The following SLC9C2 variants were observed in gnomAD, a reference collection of about 807,000 sequenced individuals.
SLC9C2 encodes solute carrier family 9 member C2 (putative).
SLC9C2 carries 75 observed loss-of-function variants against 140.2 expected under a neutral mutation model. The observed-to-expected ratio is 0.53, with a 90% confidence interval of 0.44 to 0.65. SLC9C2 has a LOEUF of 0.65. Among genes scored for constraint, SLC9C2 ranks in the 30% least tolerant of loss-of-function variants. SLC9C2 has a pLI of 0.00. For missense variants in SLC9C2, 1,074 were observed against 1,331.8 expected, an observed-to-expected ratio of 0.81 and a Z score of 3.01; for synonymous variants, 375 against 420.9, an observed-to-expected ratio of 0.89 and a Z score of 1.34.
At chr1:173,573,085 T>G (rs1664942968) in intron 9 of SLC9C2, 97 bp downstream of exon 9, 8 of 831,250 alleles carry the variant, frequency 9.6e-6, no homozygotes, top group Non-Finnish European at 1.2e-5. Flanking sequence ...TGGCTCCATG[T>G]CCAGAGCCCT....
At chr1:173,593,765 C>A (rs1571635361) in intron 4 of SLC9C2, among the ~76,000 whole-genome samples, 1 of 151,922 alleles carries the variant, frequency 6.6e-6, no homozygotes, top group Non-Finnish European at 1.5e-5. Flanking sequence ...CAACAAAGAT[C>A]AAAAAAGACA....
intron 7 of SLC9C2, among the ~76,000 whole-genome samples, chr1:173,577,008 T>C (rs1193753859): frequency 6.6e-6 from 1 of 152,246 alleles, no homozygotes; most frequent in Non-Finnish European, 1.5e-5. Context: ...AACTCAGCTG[T>C]TGTAGTATAA....
At chr1:173,518,241 G>A (rs867484658) in intron 22 of SLC9C2, among the ~76,000 whole-genome samples, 13 of 145,966 alleles carry the variant, frequency 8.9e-5, no homozygotes, top group African/African-American at 2.8e-4. Context: ...CCAGCTGGGC[G>A]ACAAAGTGAG....
At chr1:173,537,561 C>T (rs1181170451) in intron 13 of SLC9C2, among the ~76,000 whole-genome samples, 1 of 151,402 alleles carries the variant, frequency 6.6e-6, no homozygotes, top group Non-Finnish European at 1.5e-5. Context: ...GACTCCGTCT[C>T]AAAAATTTAT....
chr1:173,546,655 T>C (rs572763167), intron 13 of SLC9C2, among the ~76,000 whole-genome samples: 1 of 152,248 alleles, frequency 6.6e-6, no homozygotes, highest in East Asian at 1.9e-4. Context: ...AGAAGAAATT[T>C]ATATGTTAAC....
intron 12 of SLC9C2, 37 bp downstream of exon 12, chr1:173,548,352 G>A (rs1663002429): frequency 6.3e-7 from 1 of 1,585,218 alleles, no homozygotes; most frequent in Admixed American, 1.7e-5. Flanking sequence ...ACCAAGGGAA[G>A]GAAAGGAAAA....
At chr1:173,538,240 T>C (rs908383392) in intron 13 of SLC9C2, among the ~76,000 whole-genome samples, 18 of 152,206 alleles carry the variant, frequency 1.2e-4, no homozygotes, top group Admixed American at 2.0e-4. Flanking sequence ...CCCTACGTTG[T>C]AAGCCTCCGT....
chr1:173,526,786 G>T, intron 18 of SLC9C2, 72 bp from the exon 19 acceptor site: 2 of 1,071,856 alleles, frequency 1.9e-6, no homozygotes, highest in Admixed American at 2.5e-5. Flanking sequence ...AGAAAAACAT[G>T]CATTTCTTCT....
intron 8 of SLC9C2, among the ~76,000 whole-genome samples, chr1:173,574,745 C>T (rs549344222): frequency 2.0e-5 from 3 of 152,052 alleles, no homozygotes; most frequent in African/African-American, 4.8e-5. Flanking sequence ...CTCCTGACCT[C>T]GTGATTCGCC....
intron 9 of SLC9C2, among the ~76,000 whole-genome samples, chr1:173,559,370 T>C (rs1404407711): frequency 6.6e-6 from 1 of 152,210 alleles, no homozygotes; most frequent in East Asian, 1.9e-4. Context: ...AGAGAACATC[T>C]ATTGATTTAG....
rs762295921 is a variant in SLC9C2, at chr1:173,548,533, G to A, written c.1317C>T (p.Leu439=). The A allele has an allele frequency of 1.9e-6, 3 of 1,613,638 alleles. No individual in the cohort carries two copies. Among genetic ancestry groups the A allele is most frequent in the South Asian group, 1.1e-5 (1 of 91,062 alleles). Residue 439 remains leucine, a synonymous_variant, in exon 12 of 28, where the codon CTC becomes CTT. Transcript: ENST00000367714. ...CATTTTGCAAGATCATTTGTCTTGG[G>A]AGGGAAAGAACACACAAATCTGTGA... ...ARKLDLCVLS[L]PRQMILQNAT...
chr1:173,600,136 A>T lies in SLC9C2; in HGVS notation c.209T>A (p.Met70Lys), dbSNP rs1199198710. The T allele has an allele frequency of 6.2e-7, 1 of 1,606,776 alleles. No homozygotes were observed. Among genetic ancestry groups the T allele is most frequent in the Non-Finnish European group, 8.5e-7 (1 of 1,175,870 alleles). The change falls in exon 3 of 28, where the codon ATG (methionine) becomes AAG (lysine). Residue 70 changes from methionine (M) to lysine (K), a missense_variant. Met to Lys is a moderately conservative substitution (Grantham distance 95, BLOSUM62 -1). Transcript: ENST00000367714. ...CAGTACCTCAACAGAATTGTAGGCC[A>T]TGTGTCCTATCACGAATCCTGATAG... ...LSLSGFVIGH[M>K]AYNSVEVHQI...
At chr1:173,599,686 C>T (rs1558104252) in intron 3 of SLC9C2, among the ~76,000 whole-genome samples, 3 of 152,042 alleles carry the variant, frequency 2.0e-5, no homozygotes, top group Admixed American at 6.6e-5. Flanking sequence ...TCACTGCAAC[C>T]TCCATCTCCT....
intron 9 of SLC9C2, among the ~76,000 whole-genome samples, chr1:173,558,141 G>A (rs550438894): frequency 1.2e-3 from 187 of 152,196 alleles, no homozygotes; most frequent in African/African-American, 4.3e-3. Context: ...AAATTTCAGC[G>A]AAAGTGAAAA....
At chr1:173,599,715 T>G (rs1427273591) in intron 3 of SLC9C2, among the ~76,000 whole-genome samples, 1 of 152,044 alleles carries the variant, frequency 6.6e-6, no homozygotes, top group Non-Finnish European at 1.5e-5. Context: ...GAGATTCTCA[T>G]GCCTCAGCCT....
chr1:173,530,530 C>T (rs1045931855), intron 17 of SLC9C2, among the ~76,000 whole-genome samples: 1 of 152,140 alleles, frequency 6.6e-6, no homozygotes, highest in African/African-American at 2.4e-5. Flanking sequence ...TTTTATATTT[C>T]TCCAATCATA....
intron 9 of SLC9C2, among the ~76,000 whole-genome samples, chr1:173,570,910 G>T (rs1461601342): frequency 6.6e-6 from 1 of 152,162 alleles, no homozygotes; most frequent in Non-Finnish European, 1.5e-5. Context: ...TGGTGGGGAG[G>T]ACTGGGGAGG....
At chr1:173,549,340 C>T (rs945292317) in intron 11 of SLC9C2, among the ~76,000 whole-genome samples, 3 of 152,234 alleles carry the variant, frequency 2.0e-5, no homozygotes, top group Non-Finnish European at 2.9e-5. Context: ...GGATATCCCT[C>T]TCAAACATCA....
intron 3 of SLC9C2, 39 bp from the exon 4 acceptor site, chr1:173,598,071 C>T (rs761165918): frequency 1.3e-6 from 2 of 1,548,914 alleles, no homozygotes; most frequent in African/African-American, 1.4e-5. Flanking sequence ...AGTTTGCTAC[C>T]ATTTCCAAGT....
Sources: gnomAD v4.1 joint callset for allele counts (sites outside exome capture counted in the v4.1 genomes callset) on GRCh38, gnomAD v4.1.1 for gene constraint, MANE v1.5 for transcripts, NCBI Gene and HGNC (gene_info 2026-07-23, HGNC 2026-07-21) for gene names.